The following DCDC2 variants were observed in gnomAD, a reference collection of about 807,000 sequenced individuals.
DCDC2 encodes the protein doublecortin domain-containing protein 2.
DCDC2 carries 40 observed loss-of-function variants against 50.2 expected under a neutral mutation model. The observed-to-expected ratio is 0.80, with a 90% CI of 0.62 to 1.04. The LOEUF (loss-of-function observed/expected upper bound fraction) is 1.04. DCDC2 is among the 50% of genes least tolerant of loss of function. The pLI is 0.00. For missense variants in DCDC2, 570 were observed against 581.9 expected (o/e 0.98, Z 0.21); for synonymous variants, 234 against 210.6 (o/e 1.11, Z -0.96).
At chr6:24,369,985 A>G in the DCDC2 span, among the ~76,000 whole-genome samples, 1 of 152,070 alleles carries the variant, frequency 6.6e-6, no homozygotes, top group African/African-American at 2.4e-5. Flanking sequence ...GGGAGGCTGC[A>G]GTGAGCTGAG....
chr6:24,296,204 C>G (rs373884121), intron 4 of DCDC2, among the ~76,000 whole-genome samples: 62 of 152,252 alleles, frequency 4.1e-4, no homozygotes, highest in Middle Eastern at 3.4e-3. Flanking sequence ...TTCGACAAAA[C>G]TAACAAAAAC....
intron 8 of DCDC2, among the ~76,000 whole-genome samples, chr6:24,203,330 C>G (rs75847204): frequency 1.1e-4 from 16 of 152,160 alleles, no homozygotes; most frequent in African/African-American, 3.9e-4. Context: ...GAAATAACAT[C>G]GCACATCTAC....
At chr6:24,348,066 C>T (rs1760300488) in intron 2 of DCDC2, among the ~76,000 whole-genome samples, 1 of 152,144 alleles carries the variant, frequency 6.6e-6, no homozygotes, top group Admixed American at 6.5e-5. Flanking sequence ...TATGTTAAAG[C>T]CTAATCAGAA....
At chr6:24,381,436 GAGAGAC>G in the DCDC2 span, among the ~76,000 whole-genome samples, 12 of 152,340 alleles carry the variant, frequency 7.9e-5, no homozygotes, top group Middle Eastern at 3.4e-3. Flanking sequence ...AGGAGAGATA[GAGAGAC>G]AGAGACAGAG....
intron 2 of DCDC2, among the ~76,000 whole-genome samples, chr6:24,332,738 A>G (rs889206284): frequency 3.3e-5 from 5 of 152,074 alleles, no homozygotes; most frequent in African/African-American, 4.8e-5. Flanking sequence ...TAAAGCAAAA[A>G]CTCATTACAG....
At chr6:24,359,122 T>C (rs1256523749), upstream of DCDC2, among the ~76,000 whole-genome samples, 3 of 68,936 alleles carry the variant, frequency 4.4e-5, no homozygotes, top group African/African-American at 2.0e-4. Flanking sequence ...ATATTATATA[T>C]ATTATATATT....
chr6:24,353,094 A>G (rs1324975312), intron 2 of DCDC2: 2 of 298,818 alleles, frequency 6.7e-6, no homozygotes, highest in Admixed American at 1.0e-4. Context: ...ATAGAAGCTA[A>G]AACACAGGTG....
intron 7 of DCDC2, among the ~76,000 whole-genome samples, chr6:24,217,491 T>C (rs1762008216): frequency 6.6e-6 from 1 of 152,222 alleles, no homozygotes; most frequent in Admixed American, 6.5e-5. Context: ...CTAGTGATTC[T>C]GTAAACTGTG....
chr6:24,204,978 T>G, intron 8 of DCDC2, 24 bp downstream of exon 8: 1 of 1,598,394 alleles, frequency 6.3e-7, no homozygotes, highest in Non-Finnish European at 8.5e-7. Context: ...GTCTTACACA[T>G]ATTTTTTAAG....
At chr6:24,204,906 A>C in intron 8 of DCDC2, 96 bp downstream of exon 8, 1 of 1,149,126 alleles carries the variant, frequency 8.7e-7, no homozygotes, top group East Asian at 2.3e-5. Context: ...GGTTTAATTC[A>C]TACAGGTATA....
intron 7 of DCDC2, among the ~76,000 whole-genome samples, chr6:24,207,251 TA>T (rs1479894967): frequency 7.1e-5 from 10 of 140,840 alleles, no homozygotes; most frequent in African/African-American, 2.1e-4. Flanking sequence ...TCACTCCATC[TA>T]TCTTTCTCTC....
chr6:24,251,501 A>G (rs1439854709), intron 7 of DCDC2, among the ~76,000 whole-genome samples: 2 of 152,118 alleles, frequency 1.3e-5, no homozygotes, highest in Non-Finnish European at 2.9e-5. Context: ...CTCAGAGAGA[A>G]CTCTGCGGGA....
upstream of DCDC2, among the ~76,000 whole-genome samples, chr6:24,359,488 A>T (rs867007752): frequency 2.1e-3 from 163 of 79,140 alleles, 16 homozygotes; most frequent in African/African-American, 7.0e-3. Context: ...TTTTATATAT[A>T]ATATATTATA....
At position 24,268,564 on chromosome 6, in the gene DCDC2, G is replaced by A. The variant is rs559812520; in HGVS notation, c.922+9485C>T. 9.9e-4 allele frequency among the ~76,000 whole-genome samples: 151 copies of A among 152,162 alleles called. 1 individual carries two copies. The highest frequency in any genetic ancestry group is 4.1e-3 in the Admixed American group (63 of 15,292). On this transcript the variant is annotated intron_variant, in intron 7 of 9. Coordinates refer to ENST00000378454, the MANE Select transcript of DCDC2 (RefSeq NM_016356.5). ...CCCAACTTAGGAAATGACAGTAAAC[G>A]CCCTGGGTAAGAGCCTTCAGCTTAA...
Position 24,290,955 on chromosome 6 carries a change from C to G in DCDC2, c.681G>C (p.Lys227Asn), listed in dbSNP as rs905132941. ...ACCCAAAAGGCCTTCTCATCGTTGA[C>G]TTGTCAAAAAGTAACTCACTGTAAG... ...KLPYSELLFD[K>N]STMRRPFGQK... The change falls in exon 5 of 10, where the codon AAG becomes AAC. Residue 227 changes from lysine to asparagine, a missense_variant. Lys to Asn is a moderately conservative substitution (Grantham distance 94). Transcript: ENST00000378454. 1.2e-6 allele frequency: 2 copies of G among 1,613,680 alleles called. No homozygotes were observed. Among genetic ancestry groups the G allele is most frequent in the Admixed American group, 1.7e-5 (1 of 59,852 alleles).
chr6:24,240,863 T>A (rs1762549563), intron 7 of DCDC2, among the ~76,000 whole-genome samples: 1 of 152,266 alleles, frequency 6.6e-6, no homozygotes, highest in African/African-American at 2.4e-5. Context: ...ATTAAAAGAA[T>A]GGGAAGAAAA....
At chr6:24,236,463 A>G (rs1762442261) in intron 7 of DCDC2, among the ~76,000 whole-genome samples, 1 of 152,244 alleles carries the variant, frequency 6.6e-6, no homozygotes, top group Non-Finnish European at 1.5e-5. Flanking sequence ...CCTAGGAAAC[A>G]GTATTCTGGA....
Position 24,232,452 on chromosome 6 carries a change from C to T in DCDC2, c.923-27350G>A, listed in dbSNP as rs1371786438. On this transcript the variant is annotated intron_variant, in intron 7 of 9. Transcript: ENST00000378454. ...CATGTTCAGGCACTAAACAAACTCACCAATACTAAAGTGTAAGCCAGGAGG... is the reference window on the plus strand; with the variant it reads ...CATGTTCAGGCACTAAACAAACTCATCAATACTAAAGTGTAAGCCAGGAGG... 4.6e-5 allele frequency among the ~76,000 whole-genome samples: 7 copies of T among 152,298 alleles called. No individual in the cohort carries two copies. In the South Asian group the frequency reaches 1.2e-3, roughly 27 times the overall value.
chr6:24,243,842 T>C (rs1762616043), intron 7 of DCDC2, among the ~76,000 whole-genome samples: 1 of 151,932 alleles, frequency 6.6e-6, no homozygotes, highest in Non-Finnish European at 1.5e-5. Flanking sequence ...GGGGGTTGAG[T>C]GAACAGGGAA....
Sources: allele counts gnomAD v4.1 joint callset (sites outside exome capture counted in the v4.1 genomes callset), GRCh38; gene constraint gnomAD v4.1.1; transcripts MANE v1.5; gene names NCBI Gene and HGNC (gene_info 2026-07-23, HGNC 2026-07-21).